The following LAMB1 variants were observed in gnomAD, a reference collection of about 807,000 sequenced individuals.
The protein encoded by LAMB1 is laminin subunit beta-1.
A neutral mutation model predicts 222.3 loss-of-function variants in LAMB1; 121 were observed. The observed-to-expected ratio is 0.54, with a 90% CI of 0.47 to 0.63. The LOEUF (loss-of-function observed/expected upper bound fraction) is 0.63, where lower values mean the gene tolerates loss of function less well. Among genes scored for constraint, LAMB1 ranks in the 30% least tolerant of loss-of-function variants. The pLI, the probability that LAMB1 is intolerant of heterozygous loss-of-function variation, is 0.00. For synonymous variants in LAMB1, 794 were observed against 807.2 expected (o/e 0.98, Z 0.28); for missense variants, 2,172 against 2,240.8 (o/e 0.97, Z 0.62).
chr7:107,999,400 G>T (rs970173021), intron 3 of LAMB1, among the ~76,000 whole-genome samples: 1 of 152,164 alleles, frequency 6.6e-6, no homozygotes, highest in African/African-American at 2.4e-5. Context: ...TGAAAATGAG[G>T]CTAAGACTGA....
Position 107,961,537 on chromosome 7 carries a change from C to A in LAMB1, c.1985+12G>T, listed in dbSNP as rs74424122. 36 of 1,609,136 alleles carry A rather than the reference C, an allele frequency of 2.2e-5. No individual in the cohort carries two copies. The African/African-American group carries it at 4.4e-4, about 20-fold the overall frequency. Reference sequence around the variant, plus strand: ...GAAGCCCGTTGAGCTGCCAAACCACCGTCACACTGACCTTGAGCCTGGTGA... The same window carrying A: ...GAAGCCCGTTGAGCTGCCAAACCACAGTCACACTGACCTTGAGCCTGGTGA... On this transcript the variant is annotated intron_variant, in intron 16 of 33. Transcript: ENST00000222399.
chr7:107,926,366 G>C lies in LAMB1; in HGVS notation c.4888-7C>G. 2 of 1,609,744 alleles carry C rather than the reference G, an allele frequency of 1.2e-6. No individual in the cohort carries two copies. Among genetic ancestry groups the C allele is most frequent in the Non-Finnish European group, 1.7e-6 (2 of 1,176,892 alleles). On this transcript the variant is annotated splice_region_variant and splice_polypyrimidine_tract_variant and intron_variant, in intron 31 of 33. Transcript: ENST00000222399. ...CTGCTGTTTCAGACTCAATCTAAAA[G>C]CATGTCAATTTTCCAGCAAGACATT...
intron 7 of LAMB1, among the ~76,000 whole-genome samples, chr7:107,981,222 G>A (rs1048859160): frequency 2.4e-4 from 37 of 152,222 alleles, no homozygotes; most frequent in Admixed American, 2.6e-4. Flanking sequence ...CGAGGTGGGC[G>A]GATCACCTGA....
At chr7:107,988,026 C>T (rs922720525) in intron 5 of LAMB1, among the ~76,000 whole-genome samples, 1 of 152,094 alleles carries the variant, frequency 6.6e-6, no homozygotes, top group Non-Finnish European at 1.5e-5. Context: ...ATGGATGATA[C>T]AAAACACAGG....
chr7:107,994,978 A>T lies in LAMB1; in HGVS notation c.350-18T>A. The T allele has an allele frequency of 7.2e-7, 1 of 1,389,242 alleles. No homozygotes were observed. The highest frequency in any genetic ancestry group is 1.0e-6 in the Non-Finnish European group (1 of 985,376). The allele number at this position is 1,389,242 out of a possible 1,614,324, so 86.1% of individuals were successfully genotyped here. A position where few individuals can be genotyped will look rare whatever the true frequency, so the allele number is the denominator to read the frequency against. ...TTCCACACCTACAGGAGATTTAAAA[A>T]AAATAAAACAATAAATGAAACTGTA... On this transcript the variant is annotated intron_variant, in intron 4 of 33. Transcript: ENST00000222399.
chr7:107,929,457 T>TTAG lies in LAMB1; in HGVS notation c.4699_4700insCTA (p.Asp1567delinsAlaAsn). On this transcript the variant is annotated protein_altering_variant, in exon 30 of 34. Coordinates refer to ENST00000222399, the MANE Select transcript of LAMB1 (RefSeq NM_002291.3). ...TAACAACATCTCAGCTCTGGCAATG[T>TTAG]CAGCAGCACTATGCTGAAGAATAAC... 1 of 1,614,188 alleles carries TTAG rather than the reference T, an allele frequency of 6.2e-7. No individual in the cohort carries two copies. Among genetic ancestry groups the TTAG allele is most frequent in the Non-Finnish European group, 8.5e-7 (1 of 1,180,030 alleles).
chr7:107,971,647 C>G (rs1405946798), intron 13 of LAMB1, among the ~76,000 whole-genome samples: 6 of 152,180 alleles, frequency 3.9e-5, no homozygotes, highest in African/African-American at 1.4e-4. Flanking sequence ...TGATTACCTG[C>G]TTTAAAAATC....
In LAMB1 at chr7:107,926,281, C is replaced by T. The variant is rs1380170088; in HGVS notation, c.4966G>A (p.Glu1656Lys). 4 of 1,613,998 alleles carry T rather than the reference C, an allele frequency of 2.5e-6. No homozygotes were observed. The highest frequency in any genetic ancestry group is 3.4e-6 in the Non-Finnish European group (4 of 1,179,872). The change falls in exon 32 of 34, where the codon GAA becomes AAA. Residue 1656 changes from glutamate to lysine, a missense_variant. By Grantham distance (56) the Glu-to-Lys change is moderately conservative (BLOSUM62 1). Coordinates refer to ENST00000222399, the MANE Select transcript of LAMB1 (RefSeq NM_002291.3). ...QRISELERNV[E>K]ELKRKAAQNS... ...TGGGCAGCTTTCCGCTTAAGTTCTT[C>T]CACATTCCTCTCTAACTCGCTGATG...
chr7:107,969,641 AC>A (rs2033705375), intron 13 of LAMB1, among the ~76,000 whole-genome samples: 1 of 152,196 alleles, frequency 6.6e-6, no homozygotes, highest in African/African-American at 2.4e-5. Context: ...TTGTTGTGTG[AC>A]CATCATAGTG....
chr7:107,960,733 A>G, intron 17 of LAMB1, 84 bp from the exon 18 acceptor site: 2 of 1,111,214 alleles, frequency 1.8e-6, no homozygotes, highest in Non-Finnish European at 2.7e-6. Flanking sequence ...TAGAAAACCC[A>G]AATGCTTCTT....
intron 9 of LAMB1, 68 bp downstream of exon 9, chr7:107,977,979 T>G: frequency 6.3e-7 from 1 of 1,574,868 alleles, no homozygotes; most frequent in South Asian, 1.1e-5. Flanking sequence ...ACTGTTACAG[T>G]ACCTCTAATT....
chr7:107,956,057 C>T (rs1222565835), intron 20 of LAMB1, among the ~76,000 whole-genome samples: 13 of 152,172 alleles, frequency 8.5e-5, no homozygotes, highest in African/African-American at 2.7e-4. Context: ...CCACCATGCC[C>T]GGCTAATTTT....
intron 3 of LAMB1, 68 bp from the exon 4 acceptor site, chr7:107,998,560 C>A (rs2034323481): frequency 7.4e-6 from 10 of 1,360,062 alleles, no homozygotes; most frequent in African/African-American, 4.4e-5. Flanking sequence ...ATTAAAAAAA[C>A]CCCATGAAGC....
At chr7:107,978,472 A>C (rs1307842957) in intron 8 of LAMB1, among the ~76,000 whole-genome samples, 1 of 141,782 alleles carries the variant, frequency 7.1e-6, no homozygotes, top group Non-Finnish European at 1.6e-5. Context: ...AAAAAAAAAA[A>C]CTAGTTACTT....
chr7:107,997,205 C>A (rs1037337589), intron 4 of LAMB1, among the ~76,000 whole-genome samples: 2 of 152,102 alleles, frequency 1.3e-5, no homozygotes, highest in African/African-American at 4.8e-5. Flanking sequence ...GGGTGGATCA[C>A]GAGGTCAGGA....
intron 16 of LAMB1, 78 bp from the exon 17 acceptor site, chr7:107,961,407 C>T (rs934587054): frequency 4.4e-6 from 7 of 1,588,494 alleles, no homozygotes; most frequent in Non-Finnish European, 6.0e-6. Flanking sequence ...AAAAACAAAG[C>T]TCTGCATCGA....
At chr7:107,979,784 C>T (rs919621859) in intron 8 of LAMB1, among the ~76,000 whole-genome samples, 9 of 152,164 alleles carry the variant, frequency 5.9e-5, no homozygotes, top group Non-Finnish European at 8.8e-5. Flanking sequence ...TAAAATTTTC[C>T]AGCCGTGGGC....
intron 21 of LAMB1, among the ~76,000 whole-genome samples, chr7:107,954,175 C>A (rs2033324815): frequency 6.6e-6 from 1 of 151,946 alleles, no homozygotes; most frequent in Admixed American, 6.6e-5. Context: ...TTTTTTAAGA[C>A]ATGGGGCCTT....
chr7:107,936,526 T>C (rs572698892), intron 26 of LAMB1, among the ~76,000 whole-genome samples: 1 of 152,338 alleles, frequency 6.6e-6, no homozygotes, highest in African/African-American at 2.4e-5. Flanking sequence ...CCCCCATGGA[T>C]ACCAAGGGAT....
Sources: gnomAD v4.1 joint callset for allele counts (sites outside exome capture counted in the v4.1 genomes callset) on GRCh38, gnomAD v4.1.1 for gene constraint, MANE v1.5 for transcripts, NCBI Gene and HGNC (gene_info 2026-07-23, HGNC 2026-07-21) for gene names.